The following IHO1 variants were observed in gnomAD, a reference collection of about 807,000 sequenced individuals.
The protein encoded by IHO1 is interactor of HORMAD1 1.
IHO1 carries 13 observed loss-of-function variants against 31.0 expected under a neutral mutation model. The observed-to-expected ratio is 0.42, with a 90% CI of 0.27 to 0.67. The LOEUF (loss-of-function observed/expected upper bound fraction) is 0.67. Ranked by LOEUF, IHO1 falls within the 30% of genes least tolerant of loss-of-function variation. The pLI is 0.24. For synonymous variants in IHO1, 221 were observed against 248.4 expected (o/e 0.89, Z 1.04); for missense variants, 599 against 687.5 (o/e 0.87, Z 1.44).
chr3:49,195,783 T>TGATGGGAAACAAATAACAG (rs2045993245), upstream of IHO1, among the ~76,000 whole-genome samples: 1 of 151,164 alleles, frequency 6.6e-6, no homozygotes, highest in Non-Finnish European at 1.5e-5. Flanking sequence ...TGCATAGGAA[T>TGATGGGAAACAAATAACAG]GATGGGAAAC....
At chr3:49,204,833 G>A (rs2046114894) in intron 1 of IHO1, among the ~76,000 whole-genome samples, 1 of 152,034 alleles carries the variant, frequency 6.6e-6, no homozygotes, top group South Asian at 2.1e-4. Flanking sequence ...GATCAGCCTG[G>A]CCAATATGGT....
chr3:49,218,376 CTTTTTTTTTTTTTT>C (rs34312848), intron 2 of IHO1, among the ~76,000 whole-genome samples: 1 of 105,830 alleles, frequency 9.4e-6, no homozygotes, highest in Non-Finnish European at 1.9e-5. Flanking sequence ...CAGTTAATAC[CTTTTTTTTTTTTTT>C]TTTTTTTTTT....
chr3:49,239,252 G>C (rs987560645), intron 3 of IHO1, among the ~76,000 whole-genome samples: 1 of 151,290 alleles, frequency 6.6e-6, no homozygotes, highest in Non-Finnish European at 1.5e-5. Context: ...GATTACAGGT[G>C]TGAGCTACCA....
upstream of IHO1, chr3:49,199,134 C>T: frequency 6.6e-6 from 1 of 152,606 alleles, no homozygotes; most frequent in Non-Finnish European, 1.5e-5. Context: ...GCCAGGTGGG[C>T]CGAGGGTGGC....
At chr3:49,224,553 C>A (rs1414335984) in intron 2 of IHO1, among the ~76,000 whole-genome samples, 1 of 152,170 alleles carries the variant, frequency 6.6e-6, no homozygotes, top group Non-Finnish European at 1.5e-5. Flanking sequence ...TATTCTTTTT[C>A]TTTTTCCCAG....
chr3:49,209,513 G>A (rs1296586927), intron 1 of IHO1, among the ~76,000 whole-genome samples: 1 of 151,624 alleles, frequency 6.6e-6, no homozygotes, highest in Non-Finnish European at 1.5e-5. Context: ...GCACATGCCT[G>A]TAATTGCGGC....
chr3:49,210,877 T>TA (rs1364166692), intron 1 of IHO1, among the ~76,000 whole-genome samples: 1 of 151,748 alleles, frequency 6.6e-6, no homozygotes, highest in Non-Finnish European at 1.5e-5. Flanking sequence ...TTTGTATTTT[T>TA]AGTAGAGACA....
intron 6 of IHO1, among the ~76,000 whole-genome samples, chr3:49,246,965 CA>C (rs2046702482): frequency 6.6e-6 from 1 of 151,672 alleles, no homozygotes; most frequent in African/African-American, 2.4e-5. Flanking sequence ...TCTCCTGCCT[CA>C]GTCTCCTGAG....
chr3:49,257,291 C>T lies in IHO1; in HGVS notation c.*9C>T, dbSNP rs780575520. On this transcript the variant is annotated 3_prime_UTR_variant, in exon 8 of 8. Coordinates refer to ENST00000452691, the MANE Select transcript of IHO1 (RefSeq NM_001135197.2). Reference sequence around the variant, plus strand: ...ATGATGATGGCTTCTGACCAGTCCACAGTTGATTTATTGGTCTCAGCTAGA... The same window carrying T: ...ATGATGATGGCTTCTGACCAGTCCATAGTTGATTTATTGGTCTCAGCTAGA... The T allele has an allele frequency of 9.3e-6, 15 of 1,608,018 alleles. No individual in the cohort carries two copies. In the African/African-American group the frequency reaches 1.6e-4, roughly 17 times the overall value.
chr3:49,229,217 C>T (rs2046453637), intron 2 of IHO1, among the ~76,000 whole-genome samples: 1 of 152,200 alleles, frequency 6.6e-6, no homozygotes, highest in Admixed American at 6.5e-5. Context: ...TCTCCCAAGT[C>T]CCCACTAGAC....
upstream of IHO1, among the ~76,000 whole-genome samples, chr3:49,194,570 C>T (rs1485934643): frequency 2.1e-5 from 3 of 145,134 alleles, no homozygotes; most frequent in South Asian, 7.0e-4. Flanking sequence ...AGATTACAGG[C>T]GTGAGCCACC....
At chr3:49,200,475 A>AAAGAAAGAGAGAAAGAAAGAAAGAAAG (rs367907809) in intron 1 of IHO1, 3 of 103,858 alleles carry the variant, frequency 2.9e-5, no homozygotes, top group Middle Eastern at 6.1e-3. Flanking sequence ...AAAAAAAAAA[A>AAAGAAAGAGAGAAAGAAAGAAAGAAAG]AAAGAAAGAA....
intron 2 of IHO1, 80 bp downstream of exon 2, chr3:49,211,916 A>G (rs1469899540): frequency 2.4e-6 from 2 of 824,234 alleles, no homozygotes; most frequent in Non-Finnish European, 4.2e-6. Flanking sequence ...TAATCCCAGC[A>G]CTTTGGGAGG....
intron 1 of IHO1, among the ~76,000 whole-genome samples, chr3:49,200,822 G>C (rs2107676367): frequency 6.6e-6 from 1 of 152,230 alleles, no homozygotes; most frequent in South Asian, 2.1e-4. Context: ...TGCTGTACTA[G>C]CATCTTCAAG....
chr3:49,230,611 C>T (rs1353704530), intron 2 of IHO1, among the ~76,000 whole-genome samples: 1 of 152,108 alleles, frequency 6.6e-6, no homozygotes, highest in Non-Finnish European at 1.5e-5. Context: ...TTTGTACTGC[C>T]CCCACTCAAG....
chr3:49,244,450 A>T lies in IHO1; in HGVS notation c.442A>T (p.Arg148Trp). Residue 148 changes from arginine (R) to tryptophan (W), a missense_variant and splice_region_variant, in exon 5 of 8, where the codon AGG becomes TGG. Transcript: ENST00000452691. ...FVSNVRESIL[R>W]LQTSVEKSED... ...TTCTAATGTTAGAGAAAGCATTCTC[A>T]GGGTAAGTACAGATACTTTTCAAGG... 1 of 1,555,276 alleles carries T rather than the reference A, an allele frequency of 6.4e-7. No individual in the cohort carries two copies.
In IHO1 at chr3:49,255,417, A is replaced by G. The variant is rs537883863; in HGVS notation, c.560A>G (p.Asp187Gly). ...TLQETIQAQN[D>G]LVFEAVQDKG... The stretch of plus-strand genomic sequence containing the variant: ...CAAGAGACTATACAGGCCCAGAATG[A>G]CCTGGTGTTTGAGGCAGTCCAGGAC... Residue 187 changes from aspartate to glycine, a missense_variant, in exon 7 of 8, where the codon GAC becomes GGC. Coordinates refer to ENST00000452691, the MANE Select transcript of IHO1 (RefSeq NM_001135197.2). 3 of 1,603,002 alleles carry G rather than the reference A, an allele frequency of 1.9e-6. No individual in the cohort carries two copies. In the South Asian group the frequency reaches 3.4e-5, roughly 18 times the overall value.
At position 49,257,464 on chromosome 3, in the gene IHO1, G is replaced by A. The variant is rs2046839868; in HGVS notation, c.*182G>A. 1.6e-6 allele frequency: 1 copy of A among 626,044 alleles called. No homozygotes were observed. The highest frequency in any genetic ancestry group is 2.9e-5 in the Admixed American group (1 of 34,638). The allele number at this position is 626,044 out of a possible 1,614,324, so 38.8% of individuals were successfully genotyped here. On this transcript the variant is annotated 3_prime_UTR_variant, in exon 8 of 8. Coordinates refer to ENST00000452691, the MANE Select transcript of IHO1 (RefSeq NM_001135197.2). The stretch of plus-strand genomic sequence containing the variant: ...ATTCTGGGTACCAGGTGCTGCCCCT[G>A]ACAAGGATTAAGTGCATCCTTATTT...
intron 2 of IHO1, among the ~76,000 whole-genome samples, chr3:49,224,471 C>G (rs976156486): frequency 2.6e-5 from 4 of 152,230 alleles, no homozygotes; most frequent in African/African-American, 9.6e-5. Context: ...AGGTTAGGAA[C>G]TCCCTTTCTT....
Sources: gnomAD v4.1 joint callset for allele counts (sites outside exome capture counted in the v4.1 genomes callset) on GRCh38, gnomAD v4.1.1 for gene constraint, MANE v1.5 for transcripts, NCBI Gene and HGNC (gene_info 2026-07-23, HGNC 2026-07-21) for gene names.